The following DACT3 variants were observed in gnomAD, a reference collection of about 807,000 sequenced individuals.
DACT3 encodes dishevelled binding antagonist of beta catenin 3, also known as dapper homolog 3.
Under a neutral mutation model 19.6 loss-of-function variants are expected in DACT3, and 5 were observed. The observed-to-expected ratio is 0.26, with a 90% CI of 0.13 to 0.54. DACT3 has a LOEUF of 0.54. Ranked by LOEUF, DACT3 falls within the 20% of genes least tolerant of loss-of-function variation. The probability of loss-of-function intolerance (pLI) is 0.95; values close to 1 mark genes in which losing one functional copy is unlikely to be tolerated. For synonymous variants in DACT3, 454 were observed against 428.1 expected, an observed-to-expected ratio of 1.06 and a Z score of -0.75; for missense variants, 908 against 927.4, an observed-to-expected ratio of 0.98 and a Z score of 0.27.
Position 46,649,594 on chromosome 19 carries a change from G to A in DACT3, c.778C>T (p.Arg260Cys). The change falls in exon 4 of 4, where the codon CGC (arginine) becomes TGC (cysteine). Residue 260 changes from arginine (R) to cysteine (C), a missense_variant. Coordinates refer to ENST00000391916, the MANE Select transcript of DACT3 (RefSeq NM_145056.3). ...GGCTGGCCCGCCCCCCGGCGGCGGCGCCTGCGCAGGAGCGCCGAGATGTAG... is the reference window on the plus strand; with the variant it reads ...GGCTGGCCCGCCCCCCGGCGGCGGCACCTGCGCAGGAGCGCCGAGATGTAG... ...DGYISALLRR[R>C]RRRGAGQPRT... 2.7e-6 allele frequency: 3 copies of A among 1,111,332 alleles called. No homozygotes were observed. Among genetic ancestry groups the A allele is most frequent in the Non-Finnish European group, 2.2e-6 (2 of 907,652 alleles). 68.8% of individuals were successfully genotyped at this position (1,111,332 alleles called of 1,614,324 possible). A position where few individuals can be genotyped will look rare whatever the true frequency, so the allele number is the denominator to read the frequency against.
intron 3 of DACT3, chr19:46,651,366 C>T (rs988952632): frequency 2.6e-5 from 4 of 152,268 alleles, no homozygotes; most frequent in African/African-American, 7.2e-5. Flanking sequence ...CAGGCATGAG[C>T]CACCGCGCCT....
chr19:46,648,155 A>C lies in DACT3; in HGVS notation c.*327T>G, dbSNP rs1157596515. The stretch of plus-strand genomic sequence containing the variant: ...AAACAGACTAGGCTTCTAAACTAAA[A>C]CGGGGAAATTCAAACCGAATTACCC... On this transcript the variant is annotated 3_prime_UTR_variant, in exon 4 of 4. Coordinates refer to ENST00000391916, the MANE Select transcript of DACT3 (RefSeq NM_145056.3). The surrounding 1 kb of genome is among the most constrained non-coding windows in gnomAD (Gnocchi z 5.1). 1 of 295,068 alleles carries C rather than the reference A, an allele frequency of 3.4e-6. No individual in the cohort carries two copies. Among genetic ancestry groups the C allele is most frequent in the East Asian group, 7.9e-5 (1 of 12,674 alleles). The allele number at this position is 295,068 out of a possible 1,614,324, so 18.3% of individuals were successfully genotyped here. A position where few individuals can be genotyped will look rare whatever the true frequency, so the allele number is the denominator to read the frequency against.
Position 46,648,374 on chromosome 19 carries a change from G to A in DACT3, c.*108C>T. The A allele has an allele frequency of 6.4e-7, 1 of 1,563,686 alleles. No homozygotes were observed. Among genetic ancestry groups the A allele is most frequent in the Non-Finnish European group, 8.7e-7 (1 of 1,150,820 alleles). Reference sequence around the variant, plus strand: ...AGTGGGGAGAGTGAGGGGGGTCTTTGGAAGCAGAGAAAACGATGGTCTTTG... The same window carrying A: ...AGTGGGGAGAGTGAGGGGGGTCTTTAGAAGCAGAGAAAACGATGGTCTTTG... On this transcript the variant is annotated 3_prime_UTR_variant, in exon 4 of 4. Coordinates refer to ENST00000391916, the MANE Select transcript of DACT3 (RefSeq NM_145056.3). This position sits in a 1 kb window ranked among gnomAD's most constrained non-coding sequence, Gnocchi z 5.1.
chr19:46,657,798 C>T (rs1568700005), intron 1 of DACT3, among the ~76,000 whole-genome samples: 4 of 151,984 alleles, frequency 2.6e-5, no homozygotes, highest in African/African-American at 7.2e-5. Context: ...CGCCTGTAAT[C>T]CCAACAACTT....
intron 3 of DACT3, chr19:46,652,296 C>T (rs952809699): frequency 1.8e-4 from 51 of 280,324 alleles, no homozygotes; most frequent in African/African-American, 7.2e-4. Context: ...CAGGTTCAAG[C>T]GATCCTCCCA....
chr19:46,648,989 T>C lies in DACT3; in HGVS notation c.1383A>G (p.Pro461=). ...EPRPPRPRRG[P]APTLAAQAAG... ...CGGCCTGGGCCGCCAGCGTGGGCGCTGGGCCGCGGCGTGGCCGTGGAGGCC... is the reference window on the plus strand; with the variant it reads ...CGGCCTGGGCCGCCAGCGTGGGCGCCGGGCCGCGGCGTGGCCGTGGAGGCC... Residue 461 remains proline, a synonymous_variant, in exon 4 of 4, where the codon CCA becomes CCG. Transcript: ENST00000391916. This position sits in a 1 kb window ranked among gnomAD's most constrained non-coding sequence, Gnocchi z 5.1. 7.8e-7 allele frequency: 1 copy of C among 1,274,242 alleles called. No homozygotes were observed. The highest frequency in any genetic ancestry group is 9.9e-7 in the Non-Finnish European group (1 of 1,012,432). 78.9% of individuals were successfully genotyped at this position (1,274,242 alleles called of 1,614,324 possible). A position where few individuals can be genotyped will look rare whatever the true frequency, so the allele number is the denominator to read the frequency against.
At chr19:46,654,665 A>T in intron 1 of DACT3, 1 of 985,460 alleles carries the variant, frequency 1.0e-6, no homozygotes, top group African/African-American at 1.7e-5. Context: ...GAGGCCGGGT[A>T]GCAGCAGGCA....
At chr19:46,655,925 C>CTCTCTATATA (rs980735397) in intron 1 of DACT3, among the ~76,000 whole-genome samples, 15 of 137,938 alleles carry the variant, frequency 1.1e-4, no homozygotes, top group South Asian at 2.4e-4. Context: ...CTCTCTCTCT[C>CTCTCTATATA]TATATATATA....
intron 1 of DACT3, among the ~76,000 whole-genome samples, chr19:46,657,241 C>G (rs1270955403): frequency 5.3e-5 from 8 of 151,762 alleles, no homozygotes; most frequent in Non-Finnish European, 1.2e-4. Context: ...AGCTGTGTGA[C>G]CTTGGGTGGG....
chr19:46,654,644 T>C, intron 1 of DACT3: 4 of 985,416 alleles, frequency 4.1e-6, no homozygotes, highest in Non-Finnish European at 4.8e-6. Flanking sequence ...AAGTCTCACA[T>C]GGGTCTGAGT....
At position 46,660,664 on chromosome 19, in the gene DACT3, C is replaced by T. The variant is rs911187207; in HGVS notation, c.249+152G>A. 6.6e-6 allele frequency among the ~76,000 whole-genome samples: 1 copy of T among 152,144 alleles called. No individual in the cohort carries two copies. Among genetic ancestry groups the T allele is most frequent in the Non-Finnish European group, 1.5e-5 (1 of 68,012 alleles). On this transcript the variant is annotated intron_variant, in intron 1 of 3. Transcript: ENST00000391916. The surrounding 1 kb of genome is among the most constrained non-coding windows in gnomAD (Gnocchi z 4.9). ...GGCGGGGAGGCCAGGTCCGGCCCGC[C>T]GCCGGAACTCCGGGGTCGCCAGCCC...
chr19:46,648,236 G>A lies in DACT3; in HGVS notation c.*246C>T, dbSNP rs2052937424. 13 of 585,330 alleles carry A rather than the reference G, an allele frequency of 2.2e-5. No individual in the cohort carries two copies. The East Asian group carries it at 3.9e-4, about 17-fold the overall frequency. The allele number at this position is 585,330 out of a possible 1,614,324, so 36.3% of individuals were successfully genotyped here. On this transcript the variant is annotated 3_prime_UTR_variant, in exon 4 of 4. Coordinates refer to ENST00000391916, the MANE Select transcript of DACT3 (RefSeq NM_145056.3). This position sits in a 1 kb window ranked among gnomAD's most constrained non-coding sequence, Gnocchi z 5.1. Reference sequence around the variant, plus strand: ...ATGAGGAAAGTGACGCCCAGAGAAGGGGAACTGTCTTGCCCAAGGGCTTCC... The same window carrying A: ...ATGAGGAAAGTGACGCCCAGAGAAGAGGAACTGTCTTGCCCAAGGGCTTCC...
At chr19:46,654,400 T>C (rs567895193) in intron 1 of DACT3, 2 of 576,242 alleles carry the variant, frequency 3.5e-6, no homozygotes, top group South Asian at 1.5e-4. Flanking sequence ...GCGGGAGGAT[T>C]GCTTGAGCCC....
rs1398348764 is a variant in DACT3, at chr19:46,648,874, G to C, written c.1498C>G (p.Pro500Ala). The C allele has an allele frequency of 1.4e-6, 2 of 1,412,386 alleles. No individual in the cohort carries two copies. The highest frequency in any genetic ancestry group is 1.8e-6 in the Non-Finnish European group (2 of 1,094,422). 87.5% of individuals were successfully genotyped at this position (1,412,386 alleles called of 1,614,324 possible). A position where few individuals can be genotyped will look rare whatever the true frequency, so the allele number is the denominator to read the frequency against. The change falls in exon 4 of 4, where the codon CCC becomes GCC. Residue 500 changes from proline to alanine, a missense_variant. Pro to Ala is a conservative substitution (Grantham distance 27). Transcript: ENST00000391916. The surrounding 1 kb of genome is among the most constrained non-coding windows in gnomAD (Gnocchi z 5.1). ...GCTGACGGGGACGGGCCGGGGCCGG[G>C]AACACGCGCCGCAGGGGCTCGGGGC... is the stretch of plus-strand genomic sequence containing the variant. ...VRPRAPAARV[P>A]GPGPSPSAPQ...
At position 46,649,175 on chromosome 19, in the gene DACT3, G is replaced by C. The variant is rs1302981306; in HGVS notation, c.1197C>G (p.Ala399=). Residue 399 remains alanine, a synonymous_variant, in exon 4 of 4, where the codon GCC becomes GCG. Transcript: ENST00000391916. ...CGGCCATGCGTCCACGGCGGCCGGCGGCCCGGGGACGCTCCCGGGGTGGTG... is the reference window on the plus strand; with the variant it reads ...CGGCCATGCGTCCACGGCGGCCGGCCGCCCGGGGACGCTCCCGGGGTGGTG... ...EQSPPRERPR[A]AGRRGRMAEA... 1.6e-6 allele frequency: 2 copies of C among 1,216,756 alleles called. No individual in the cohort carries two copies. The highest frequency in any genetic ancestry group is 2.0e-6 in the Non-Finnish European group (2 of 978,774). 75.4% of individuals were successfully genotyped at this position (1,216,756 alleles called of 1,614,324 possible). A position where few individuals can be genotyped will look rare whatever the true frequency, so the allele number is the denominator to read the frequency against.
chr19:46,652,589 A>C, intron 3 of DACT3, 71 bp downstream of exon 3: 1 of 1,475,930 alleles, frequency 6.8e-7, no homozygotes, highest in Non-Finnish European at 9.1e-7. Context: ...CCCGATTCGG[A>C]AGTCTGTGCC....
intron 1 of DACT3, among the ~76,000 whole-genome samples, chr19:46,658,684 G>A (rs1464818097): frequency 6.6e-6 from 1 of 152,006 alleles, no homozygotes; most frequent in East Asian, 1.9e-4. Context: ...CCTCCTCACG[G>A]TGCCCCTCAT....
intron 1 of DACT3, among the ~76,000 whole-genome samples, chr19:46,657,308 C>A (rs1002995422): frequency 1.3e-5 from 2 of 151,314 alleles, no homozygotes; most frequent in African/African-American, 4.8e-5. Flanking sequence ...TCATAGGACA[C>A]CATCTCCTGG....
At chr19:46,659,082 T>C in intron 1 of DACT3, 2 of 983,328 alleles carry the variant, frequency 2.0e-6, no homozygotes, top group Non-Finnish European at 2.4e-6. Flanking sequence ...AAGACAAGGG[T>C]TGGGGGATCA....
Sources: allele counts gnomAD v4.1 joint callset (sites outside exome capture counted in the v4.1 genomes callset), GRCh38; gene constraint gnomAD v4.1.1; non-coding constraint Gnocchi (gnomAD v3.1); transcripts MANE v1.5; gene names NCBI Gene and HGNC (gene_info 2026-07-23, HGNC 2026-07-21).